The following CCDC3 variants were observed in gnomAD, a reference collection of about 807,000 sequenced individuals.
The protein encoded by CCDC3 is coiled-coil domain containing 3.
CCDC3 carries 24 observed loss-of-function variants against 21.4 expected under a neutral mutation model. That is an observed-to-expected ratio of 1.12 (90% confidence interval 0.81 to 1.58). The LOEUF (loss-of-function observed/expected upper bound fraction) is 1.58, where lower values mean the gene tolerates loss of function less well. Among genes scored for constraint, CCDC3 ranks in the 40% most tolerant of loss-of-function variants. The probability of loss-of-function intolerance (pLI) is 0.00; values close to 1 mark genes in which losing one functional copy is unlikely to be tolerated. For synonymous variants in CCDC3, 186 were observed against 166.0 expected, an observed-to-expected ratio of 1.12 and a Z score of -0.93; for missense variants, 425 against 360.9, an observed-to-expected ratio of 1.18 and a Z score of -1.44.
chr10:13,060,251 G>C (rs1295265332), intron 4 of CCDC3, among the ~76,000 whole-genome samples: 1 of 152,148 alleles, frequency 6.6e-6, no homozygotes, highest in Admixed American at 6.6e-5. Context: ...ACGTGACCTT[G>C]CTGTGCGTGT....
intron 5 of CCDC3, among the ~76,000 whole-genome samples, chr10:13,034,922 A>T (rs909808663): frequency 6.6e-6 from 1 of 152,078 alleles, no homozygotes; most frequent in Admixed American, 6.6e-5. Context: ...GCTACTTGGG[A>T]GGCTGAGGCA....
chr10:12,990,762 G>A (rs1200273293), intron 2 of CCDC3, among the ~76,000 whole-genome samples: 1 of 152,114 alleles, frequency 6.6e-6, no homozygotes, highest in African/African-American at 2.4e-5. Context: ...GCATAACATG[G>A]TAAAACTACT....
At chr10:12,917,180 C>CTTTTTTTTTTTTTTTTT (rs56054100) in intron 2 of CCDC3, among the ~76,000 whole-genome samples, 3 of 58,222 alleles carry the variant, frequency 5.2e-5, no homozygotes, top group African/African-American at 2.0e-4. Flanking sequence ...ATTTCTTCTT[C>CTTTTTTTTTTTTTTTTT]TTTTTTTTTT....
chr10:12,955,788 G>A (rs1835074356), intron 2 of CCDC3, among the ~76,000 whole-genome samples: 1 of 152,098 alleles, frequency 6.6e-6, no homozygotes, highest in African/African-American at 2.4e-5. Context: ...TGTCACCCAG[G>A]CTGGAGTGCA....
chr10:13,047,898 T>C (rs1235668166), intron 5 of CCDC3, among the ~76,000 whole-genome samples: 1 of 152,134 alleles, frequency 6.6e-6, no homozygotes, highest in Admixed American at 6.5e-5. Context: ...CAGTCTGTGG[T>C]CTCTGCCTTT....
At chr10:13,078,088 G>A (rs533682001) in intron 3 of CCDC3, among the ~76,000 whole-genome samples, 7 of 152,144 alleles carry the variant, frequency 4.6e-5, no homozygotes, top group Non-Finnish European at 1.0e-4. Flanking sequence ...CAGAATGGAA[G>A]AAAATTTTTA....
chr10:13,088,701 G>A (rs1009783580), intron 3 of CCDC3, among the ~76,000 whole-genome samples: 3 of 152,152 alleles, frequency 2.0e-5, no homozygotes, highest in African/African-American at 4.8e-5. Context: ...GAGACAAGAC[G>A]GAAAGGAGGA....
intron 3 of CCDC3, among the ~76,000 whole-genome samples, chr10:13,087,404 CA>C (rs56772902): frequency 0.12 from 15,449 of 125,656 alleles, 967 homozygotes; most frequent in Non-Finnish European, 0.17. Context: ...AACTCCATCT[CA>C]AAAAAAAAAA....
Position 13,071,494 on chromosome 10 carries a change from C to T in CCDC3, c.-270+2374G>A, listed in dbSNP as rs117039453. Reference sequence around the variant, plus strand: ...CGGATAAAGGTCATGCTAGTATCCACGGCATAAATGAGGTCTAGGGAATTC... The same window carrying T: ...CGGATAAAGGTCATGCTAGTATCCATGGCATAAATGAGGTCTAGGGAATTC... On this transcript the variant is annotated intron_variant, in intron 4 of 6. Coordinates refer to the CCDC3 transcript ENST00000378839. Among the ~76,000 whole-genome samples the T allele has an allele frequency of 4.8e-3, 726 of 152,310 alleles. 2 individuals carry two copies. Among genetic ancestry groups the T allele is most frequent in the Non-Finnish European group, 7.8e-3 (528 of 68,026 alleles).
chr10:12,948,399 G>C (rs1834952948), intron 2 of CCDC3, among the ~76,000 whole-genome samples: 1 of 152,006 alleles, frequency 6.6e-6, no homozygotes, highest in Admixed American at 6.6e-5. Flanking sequence ...GGAGACCAGG[G>C]CCTCTCTCTC....
chr10:12,927,451 T>G (rs1192299283), intron 2 of CCDC3, among the ~76,000 whole-genome samples: 1 of 152,242 alleles, frequency 6.6e-6, no homozygotes, highest in Non-Finnish European at 1.5e-5. Flanking sequence ...TTAGTTTGTT[T>G]ACATCATGAT....
intron 2 of CCDC3, among the ~76,000 whole-genome samples, chr10:12,920,543 A>C (rs1589005695): frequency 6.6e-6 from 1 of 152,308 alleles, no homozygotes; most frequent in African/African-American, 2.4e-5. Context: ...TGAGGGAGAA[A>C]CCATTCTTTG....
chr10:13,039,740 C>G (rs1836424833), intron 5 of CCDC3, among the ~76,000 whole-genome samples: 1 of 152,076 alleles, frequency 6.6e-6, no homozygotes, highest in Non-Finnish European at 1.5e-5. Context: ...TTTCCTGGAT[C>G]TGATTTCCTC....
At chr10:13,079,139 A>AT (rs1365788099) in intron 3 of CCDC3, among the ~76,000 whole-genome samples, 5 of 152,198 alleles carry the variant, frequency 3.3e-5, no homozygotes, top group Non-Finnish European at 5.9e-5. Context: ...CTAAATGCTG[A>AT]TTTTTCCTTA....
At chr10:12,969,047 A>G (rs1281278262) in intron 2 of CCDC3, among the ~76,000 whole-genome samples, 1 of 152,170 alleles carries the variant, frequency 6.6e-6, no homozygotes, top group African/African-American at 2.4e-5. Flanking sequence ...CCTATAAAAG[A>G]CAAACTACAC....
intron 5 of CCDC3, among the ~76,000 whole-genome samples, chr10:13,017,160 T>C (rs1483940312): frequency 6.6e-6 from 1 of 151,962 alleles, no homozygotes; most frequent in Non-Finnish European, 1.5e-5. Flanking sequence ...TTTTTCACAG[T>C]AGGCAAAGTG....
intron 2 of CCDC3, among the ~76,000 whole-genome samples, chr10:12,946,908 C>T (rs1259424633): frequency 6.6e-6 from 1 of 152,138 alleles, no homozygotes; most frequent in African/African-American, 2.4e-5. Flanking sequence ...CTACATTCAG[C>T]CCCCTCCGCC....
chr10:13,033,994 A>G (rs1836341536), intron 5 of CCDC3, among the ~76,000 whole-genome samples: 2 of 152,240 alleles, frequency 1.3e-5, no homozygotes, highest in East Asian at 3.8e-4. Flanking sequence ...ATTACTGGGT[A>G]TATACCCAAA....
At chr10:12,915,153 T>C (rs1437281183) in intron 2 of CCDC3, among the ~76,000 whole-genome samples, 1 of 152,196 alleles carries the variant, frequency 6.6e-6, no homozygotes, top group Non-Finnish European at 1.5e-5. Flanking sequence ...AAAATCCTTA[T>C]AACAGGAAGA....
Sources: gnomAD v4.1 joint callset for allele counts (sites outside exome capture counted in the v4.1 genomes callset) on GRCh38, gnomAD v4.1.1 for gene constraint, MANE v1.5 for transcripts, NCBI Gene and HGNC (gene_info 2026-07-23, HGNC 2026-07-21) for gene names.